ERBB4: variants seen among roughly 807,000 people sequenced by gnomAD.
ERBB4 encodes receptor tyrosine-protein kinase erbB-4.
Under a neutral mutation model 158.0 loss-of-function variants are expected in ERBB4, and 42 were observed. The observed-to-expected ratio is 0.27, with a 90% CI of 0.21 to 0.34. The LOEUF (loss-of-function observed/expected upper bound fraction) is 0.34. Among genes scored for constraint, ERBB4 ranks in the 10% least tolerant of loss-of-function variants. The probability of loss-of-function intolerance (pLI) is 1.00; values close to 1 mark genes in which losing one functional copy is unlikely to be tolerated. For missense variants in ERBB4, 1,333 were observed against 1,624.1 expected (o/e 0.82, Z 3.08); for synonymous variants, 583 against 558.7 (o/e 1.04, Z -0.61).
intron 16 of ERBB4, among the ~76,000 whole-genome samples, chr2:211,650,026 C>G (rs1361613532): frequency 6.6e-6 from 1 of 151,514 alleles, no homozygotes; most frequent in Non-Finnish European, 1.5e-5. Context: ...AAGAAAAAGG[C>G]ATGAAGAGAG....
chr2:212,130,008 A>T (rs528203904), intron 1 of ERBB4, among the ~76,000 whole-genome samples: 1 of 152,188 alleles, frequency 6.6e-6, no homozygotes, highest in Non-Finnish European at 1.5e-5. Context: ...GCCTCCACTG[A>T]GTAACTCACA....
At chr2:211,557,165 G>T (rs1368415005) in intron 20 of ERBB4, among the ~76,000 whole-genome samples, 1 of 152,042 alleles carries the variant, frequency 6.6e-6, no homozygotes, top group Non-Finnish European at 1.5e-5. Flanking sequence ...AAAAACCATG[G>T]AAGACAACGT....
At chr2:211,936,447 T>A (rs1433963903) in intron 3 of ERBB4, among the ~76,000 whole-genome samples, 1 of 152,074 alleles carries the variant, frequency 6.6e-6, no homozygotes, top group African/African-American at 2.4e-5. Flanking sequence ...TTCTTATAAA[T>A]ATTCTTCAAA....
chr2:211,559,786 G>A (rs1559295416), intron 20 of ERBB4, among the ~76,000 whole-genome samples: 1 of 152,084 alleles, frequency 6.6e-6, no homozygotes, highest in African/African-American at 2.4e-5. Context: ...AGTCAACATC[G>A]TATCTGAAAC....
At chr2:212,349,175 G>A (rs1483478925) in intron 1 of ERBB4, among the ~76,000 whole-genome samples, 1 of 152,068 alleles carries the variant, frequency 6.6e-6, no homozygotes, top group Non-Finnish European at 1.5e-5. Context: ...TAGAAGAGTT[G>A]TAATTGTTCA....
chr2:212,027,486 A>C (rs2076800873), intron 2 of ERBB4, among the ~76,000 whole-genome samples: 1 of 152,108 alleles, frequency 6.6e-6, no homozygotes, highest in African/African-American at 2.4e-5. Context: ...TTACTACATA[A>C]ACAAGAGATC....
At chr2:211,415,948 G>GT (rs1208645326) in intron 25 of ERBB4, among the ~76,000 whole-genome samples, 5 of 152,178 alleles carry the variant, frequency 3.3e-5, no homozygotes, top group African/African-American at 9.6e-5. Flanking sequence ...GGAAAAAGAA[G>GT]TTACATTGTG....
intron 2 of ERBB4, among the ~76,000 whole-genome samples, chr2:212,103,424 G>T (rs1283211070): frequency 1.3e-5 from 2 of 151,980 alleles, no homozygotes; most frequent in Admixed American, 1.3e-4. Flanking sequence ...TGATTTTAAT[G>T]CAATATAACC....
chr2:212,235,470 A>C (rs887144600), intron 1 of ERBB4, among the ~76,000 whole-genome samples: 1 of 152,248 alleles, frequency 6.6e-6, no homozygotes, highest in South Asian at 2.1e-4. Flanking sequence ...TTCGTTCCAT[A>C]TAAAATTTAA....
At chr2:212,000,014 G>A (rs1338407880) in intron 2 of ERBB4, among the ~76,000 whole-genome samples, 2 of 151,650 alleles carry the variant, frequency 1.3e-5, no homozygotes, top group Admixed American at 6.6e-5. Context: ...GAGGGATTCG[G>A]TAATTCCTTT....
At chr2:212,306,969 A>G (rs1251632699) in intron 1 of ERBB4, among the ~76,000 whole-genome samples, 2 of 151,394 alleles carry the variant, frequency 1.3e-5, no homozygotes, top group Non-Finnish European at 3.0e-5. Flanking sequence ...CCCATAACAC[A>G]TTATTCCTGA....
At chr2:211,982,659 G>A (rs1438874444) in intron 2 of ERBB4, among the ~76,000 whole-genome samples, 1 of 152,172 alleles carries the variant, frequency 6.6e-6, no homozygotes, top group Non-Finnish European at 1.5e-5. Flanking sequence ...TCCTAGAGGA[G>A]CCTTCAGGTT....
intron 1 of ERBB4, among the ~76,000 whole-genome samples, chr2:212,440,776 A>G (rs2092237146): frequency 6.6e-6 from 1 of 152,234 alleles, no homozygotes; most frequent in Non-Finnish European, 1.5e-5. Context: ...CGTGAGAGGC[A>G]AAGAGTTTAG....
intron 20 of ERBB4, among the ~76,000 whole-genome samples, chr2:211,436,470 A>G (rs1224747716): frequency 6.6e-6 from 1 of 152,158 alleles, no homozygotes; most frequent in Non-Finnish European, 1.5e-5. Context: ...CCTCGTCTCT[A>G]AATGGGCATA....
chr2:212,003,381 G>A (rs991037393), intron 2 of ERBB4, among the ~76,000 whole-genome samples: 2 of 149,256 alleles, frequency 1.3e-5, no homozygotes, highest in South Asian at 2.1e-4. Context: ...GAGCTAAAGC[G>A]TTTTTTCGTA....
intron 2 of ERBB4, among the ~76,000 whole-genome samples, chr2:212,040,174 G>T (rs907062090): frequency 8.5e-5 from 12 of 141,852 alleles, no homozygotes; most frequent in African/African-American, 3.4e-4. Context: ...AAAGTTGGAA[G>T]TACCTAGATT....
At chr2:211,979,620 A>G (rs572267352) in intron 2 of ERBB4, among the ~76,000 whole-genome samples, 2 of 152,240 alleles carry the variant, frequency 1.3e-5, no homozygotes, top group East Asian at 3.9e-4. Flanking sequence ...TTGATAGCCA[A>G]GAGAGTAGAA....
chr2:211,458,087 G>GTGATATATCCATAGATATATCACTCTA (rs6147151), intron 20 of ERBB4, among the ~76,000 whole-genome samples: 17,476 of 150,206 alleles, frequency 0.12, 1,382 homozygotes, highest in South Asian at 0.34. Flanking sequence ...CTCCACTATA[G>GTGATATATCCATAGATATATCACTCTA]TGATATATCC....
At chr2:211,844,575 G>A (rs2077548606) in intron 3 of ERBB4, among the ~76,000 whole-genome samples, 1 of 152,118 alleles carries the variant, frequency 6.6e-6, no homozygotes, top group Non-Finnish European at 1.5e-5. Context: ...GTGGACTGTC[G>A]AGGGAGAAGC....
Sources: allele counts gnomAD v4.1 joint callset (sites outside exome capture counted in the v4.1 genomes callset), GRCh38; gene constraint gnomAD v4.1.1; transcripts MANE v1.5; gene names NCBI Gene and HGNC (gene_info 2026-07-23, HGNC 2026-07-21).